PCDHGA12: variants seen among roughly 807,000 people sequenced by gnomAD.
The protein encoded by PCDHGA12 is protocadherin gamma subfamily A, 12.
Under a neutral mutation model 61.1 loss-of-function variants are expected in PCDHGA12, and 43 were observed. That is an observed-to-expected ratio of 0.70 (90% CI 0.55 to 0.91). PCDHGA12 has a LOEUF of 0.91. Among genes scored for constraint, PCDHGA12 ranks in the 40% least tolerant of loss-of-function variants. The pLI, the probability that PCDHGA12 is intolerant of heterozygous loss-of-function variation, is 0.00. For synonymous variants in PCDHGA12, 520 were observed against 542.9 expected, an observed-to-expected ratio of 0.96 and a Z score of 0.59; for missense variants, 1,236 against 1,227.7, an observed-to-expected ratio of 1.01 and a Z score of -0.10.
At position 141,512,574 on chromosome 5, in the gene PCDHGA12, C is replaced by T. The variant is rs1429371202; in HGVS notation, c.*1401C>T. 6.5e-6 allele frequency: 1 copy of T among 152,884 alleles called. No homozygotes were observed. Among genetic ancestry groups the T allele is most frequent in the Non-Finnish European group, 1.5e-5 (1 of 68,502 alleles). The allele number at this position is 152,884 out of a possible 1,614,324, so 9.5% of individuals were successfully genotyped here. On this transcript the variant is annotated 3_prime_UTR_variant, in exon 4 of 4. Coordinates refer to ENST00000252085, the MANE Select transcript of PCDHGA12 (RefSeq NM_003735.3). ...GTGCATAGACCTTCTTCTCCCACCCCCTTCTGCCCCTGGGTCCCCGGCCAT... is the reference window on the plus strand; with the variant it reads ...GTGCATAGACCTTCTTCTCCCACCCTCTTCTGCCCCTGGGTCCCCGGCCAT...
At chr5:141,464,913 AT>A (rs1366203949) in intron 1 of PCDHGA12, among the ~76,000 whole-genome samples, 1 of 151,428 alleles carries the variant, frequency 6.6e-6, no homozygotes, top group Non-Finnish European at 1.5e-5. Context: ...TAATTTTTTT[AT>A]TTTTTTGTAG....
At position 141,484,465 on chromosome 5, in the gene PCDHGA12, A is replaced by G. The variant is rs2099596840; in HGVS notation, c.2425-10342A>G. On this transcript the variant is annotated intron_variant, in intron 1 of 3. Coordinates refer to ENST00000252085, the MANE Select transcript of PCDHGA12 (RefSeq NM_003735.3). ...ATTTAATTGGCTACGTTAATGTGTA[A>G]GCCTTTTCTGCAAAGAGATGGATCC... is the stretch of plus-strand genomic sequence containing the variant. Among the ~76,000 whole-genome samples, 4 of 152,236 alleles carry G rather than the reference A, an allele frequency of 2.6e-5. No individual in the cohort carries two copies. In the South Asian group the frequency reaches 6.2e-4, roughly 24 times the overall value.
chr5:141,436,875 A>C (rs1182313546), intron 1 of PCDHGA12, among the ~76,000 whole-genome samples: 3 of 152,236 alleles, frequency 2.0e-5, no homozygotes, highest in African/African-American at 7.2e-5. Context: ...TTAGGCCATA[A>C]AAGATGGGGG....
At chr5:141,508,434 G>A (rs2099868795) in intron 3 of PCDHGA12, among the ~76,000 whole-genome samples, 1 of 152,160 alleles carries the variant, frequency 6.6e-6, no homozygotes, top group Admixed American at 6.5e-5. Flanking sequence ...AGCTCACACA[G>A]TTCCTTAGTG....
rs1259098111 is a variant in PCDHGA12 at position 141,489,418 on chromosome 5, T to C, written c.2425-5389T>C. On this transcript the variant is annotated intron_variant, in intron 1 of 3. Coordinates refer to ENST00000252085, the MANE Select transcript of PCDHGA12 (RefSeq NM_003735.3). This position sits in a 1 kb window ranked among gnomAD's most constrained non-coding sequence, Gnocchi z 4.5. ...TCTGGGCTTAAAGATGACAGATCTGTTGAGCCGGCGGCTGCAATTGGGCTC... is the reference window on the plus strand; with the variant it reads ...TCTGGGCTTAAAGATGACAGATCTGCTGAGCCGGCGGCTGCAATTGGGCTC... The C allele has an allele frequency of 1.2e-6, 2 of 1,614,174 alleles. No individual in the cohort carries two copies. The highest frequency in any genetic ancestry group is 8.5e-7 in the Non-Finnish European group (1 of 1,180,032).
intron 1 of PCDHGA12, among the ~76,000 whole-genome samples, chr5:141,484,740 GA>G (rs1047805396): frequency 6.6e-6 from 1 of 150,760 alleles, no homozygotes; most frequent in Non-Finnish European, 1.5e-5. Context: ...GGTGTGTTAG[GA>G]AAAAAAATGT....
intron 1 of PCDHGA12, among the ~76,000 whole-genome samples, chr5:141,473,107 C>A (rs2099314182): frequency 6.6e-6 from 1 of 152,134 alleles, no homozygotes; most frequent in Admixed American, 6.5e-5. Flanking sequence ...TATTACCACA[C>A]TTTACTTGGC....
Position 141,485,138 on chromosome 5 carries a change from T to A in PCDHGA12, c.2425-9669T>A, listed in dbSNP as rs374309554. On this transcript the variant is annotated intron_variant, in intron 1 of 3. Coordinates refer to ENST00000252085, the MANE Select transcript of PCDHGA12 (RefSeq NM_003735.3). This position sits in a 1 kb window ranked among gnomAD's most constrained non-coding sequence, Gnocchi z 5.7. ...TTGGGGCGGGTCGGCTTCATCCGCG[T>A]CTCAGGAGCAAGTAGAGAATTAGCG... is the stretch of plus-strand genomic sequence containing the variant. 17 of 1,528,690 alleles carry A rather than the reference T, an allele frequency of 1.1e-5. No individual in the cohort carries two copies. The highest frequency in any genetic ancestry group is 1.3e-5 in the Non-Finnish European group (14 of 1,109,458). 94.7% of individuals were successfully genotyped at this position (1,528,690 alleles called of 1,614,324 possible).
rs537755017 is a variant in PCDHGA12 at position 141,491,797 on chromosome 5, G to A, written c.2425-3010G>A. 16 of 1,506,818 alleles carry A rather than the reference G, an allele frequency of 1.1e-5. No individual in the cohort carries two copies. In the Admixed American group the frequency reaches 2.2e-4, roughly 20 times the overall value. The allele number at this position is 1,506,818 out of a possible 1,614,324, so 93.3% of individuals were successfully genotyped here. A position where few individuals can be genotyped will look rare whatever the true frequency, so the allele number is the denominator to read the frequency against. ...ATTGAACTTGCATCCACTCCTCTCC[G>A]GCCGGCTTGGTCGCTGGCTGCGCTC... On this transcript the variant is annotated intron_variant, in intron 1 of 3. Transcript: ENST00000252085. The surrounding 1 kb of genome is among the most constrained non-coding windows in gnomAD (Gnocchi z 6.9).
chr5:141,441,310 C>T (rs2098239133), intron 1 of PCDHGA12: 1 of 152,154 alleles, frequency 6.6e-6, no homozygotes, highest in Non-Finnish European at 1.5e-5. Context: ...AGAAAATGCA[C>T]CTTGAGAAAA....
In PCDHGA12 at chr5:141,490,912, AATG is replaced by A; in HGVS notation, c.2425-3892_2425-3890del. 6.2e-7 allele frequency: 1 copy of A among 1,613,644 alleles called. No homozygotes were observed. Among genetic ancestry groups the A allele is most frequent in the Non-Finnish European group, 8.5e-7 (1 of 1,179,684 alleles). On this transcript the variant is annotated intron_variant, in intron 1 of 3. Transcript: ENST00000252085. This position sits in a 1 kb window ranked among gnomAD's most constrained non-coding sequence, Gnocchi z 5.4. ...TCTGCATGTGTTTGTCCTAGACGAG[AATG>A]ATAATGCCCCAGCTGTGCTGCACCC...
chr5:141,477,536 G>T lies in PCDHGA12; in HGVS notation c.2425-17271G>T. 1.2e-6 allele frequency: 2 copies of T among 1,614,076 alleles called. No homozygotes were observed. Among genetic ancestry groups the T allele is most frequent in the Non-Finnish European group, 1.7e-6 (2 of 1,180,018 alleles). ...CATTGAAGAAAACAACCTCCCCGGG[G>T]CTCCAATACTAAACCTAAGTGTCTG... On this transcript the variant is annotated intron_variant, in intron 1 of 3. Coordinates refer to ENST00000252085, the MANE Select transcript of PCDHGA12 (RefSeq NM_003735.3). The surrounding 1 kb of genome is among the most constrained non-coding windows in gnomAD (Gnocchi z 4.9).
chr5:141,505,334 G>T, intron 2 of PCDHGA12, 59 bp from the exon 3 acceptor site: 1 of 1,611,326 alleles, frequency 6.2e-7, no homozygotes, highest in Non-Finnish European at 8.5e-7. Context: ...GAGAGGACAG[G>T]AGGGGCATGA....
Position 141,489,252 on chromosome 5 carries a change from G to A in PCDHGA12, c.2425-5555G>A. 2 of 1,547,622 alleles carry A rather than the reference G, an allele frequency of 1.3e-6. No individual in the cohort carries two copies. Among genetic ancestry groups the A allele is most frequent in the Non-Finnish European group, 1.7e-6 (2 of 1,147,198 alleles). On this transcript the variant is annotated intron_variant, in intron 1 of 3. Coordinates refer to ENST00000252085, the MANE Select transcript of PCDHGA12 (RefSeq NM_003735.3). The surrounding 1 kb of genome is among the most constrained non-coding windows in gnomAD (Gnocchi z 4.5). ...GGGACTTCTGGGTCATGGGGCCCAAGACACTCCCACAGCTCGCTGGGAAAT... is the reference window on the plus strand; with the variant it reads ...GGGACTTCTGGGTCATGGGGCCCAAAACACTCCCACAGCTCGCTGGGAAAT...
At chr5:141,439,947 T>C (rs2098140958) in intron 1 of PCDHGA12, 1 of 152,516 alleles carries the variant, frequency 6.6e-6, no homozygotes, top group Non-Finnish European at 1.5e-5. Flanking sequence ...TTCTCTATGA[T>C]GCAGATCCGT....
intron 3 of PCDHGA12, among the ~76,000 whole-genome samples, chr5:141,506,132 G>T (rs114930087): frequency 1.2e-4 from 18 of 152,310 alleles, no homozygotes; most frequent in African/African-American, 4.3e-4. Context: ...CAGAGCAGGA[G>T]AAGAAGAATA....
At position 141,489,318 on chromosome 5, in the gene PCDHGA12, G is replaced by T; in HGVS notation, c.2425-5489G>T. On this transcript the variant is annotated intron_variant, in intron 1 of 3. Coordinates refer to ENST00000252085, the MANE Select transcript of PCDHGA12 (RefSeq NM_003735.3). The surrounding 1 kb of genome is among the most constrained non-coding windows in gnomAD (Gnocchi z 4.5). ...TGTTGTCCTTGTGCTGCTGGGGCTG[G>T]GTGTCTGGGCAGCTTCGTTACTCAG... The T allele has an allele frequency of 6.3e-7, 1 of 1,599,092 alleles. No homozygotes were observed. Among genetic ancestry groups the T allele is most frequent in the Non-Finnish European group, 8.5e-7 (1 of 1,171,660 alleles).
In PCDHGA12 at chr5:141,504,261, A is replaced by AT. The variant is rs144925096; in HGVS notation, c.2484-1125dup. Among the ~76,000 whole-genome samples the AT allele has an allele frequency of 3.8e-3, 573 of 152,258 alleles. 3 individuals are homozygous for AT. The highest frequency in any genetic ancestry group is 0.012 in the African/African-American group (514 of 41,556). ...CAGAGAGTTCTTCTTATGGTTTAGT[A>AT]TTTTTTTAAATTATGAATCATTTCA... On this transcript the variant is annotated intron_variant, in intron 2 of 3. Transcript: ENST00000252085.
intron 2 of PCDHGA12, among the ~76,000 whole-genome samples, chr5:141,502,988 C>A (rs1285178746): frequency 6.7e-6 from 1 of 150,346 alleles, no homozygotes; most frequent in Non-Finnish European, 1.5e-5. Flanking sequence ...GGATTACAGG[C>A]GTGTGCCACC....
Sources: allele counts gnomAD v4.1 joint callset (sites outside exome capture counted in the v4.1 genomes callset), GRCh38; gene constraint gnomAD v4.1.1; non-coding constraint Gnocchi (gnomAD v3.1); transcripts MANE v1.5; gene names NCBI Gene and HGNC (gene_info 2026-07-23, HGNC 2026-07-21).